Variants in RAB43 observed in about 807,000 individuals in gnomAD.
The protein encoded by RAB43 is ras-related protein Rab-43.
A neutral mutation model predicts 18.8 loss-of-function variants in RAB43; 6 were observed. That is an observed-to-expected ratio of 0.32 (90% confidence interval 0.17 to 0.63). The LOEUF (loss-of-function observed/expected upper bound fraction) is 0.63, where lower values mean the gene tolerates loss of function less well. Among genes scored for constraint, RAB43 ranks in the 30% least tolerant of loss-of-function variants. The pLI is 0.79. For synonymous variants in RAB43, 103 were observed against 124.1 expected (o/e 0.83, Z 1.13); for missense variants, 195 against 289.1 (o/e 0.67, Z 2.36).
intron 1 of RAB43, among the ~76,000 whole-genome samples, chr3:129,097,028 G>A (rs1284154222): frequency 3.9e-5 from 6 of 152,026 alleles, no homozygotes; most frequent in Admixed American, 3.3e-4. Flanking sequence ...CAGGAGAATC[G>A]CTTGAACCTG....
chr3:129,113,567 A>T (rs1935307019), intron 1 of RAB43, among the ~76,000 whole-genome samples: 1 of 152,242 alleles, frequency 6.6e-6, no homozygotes, highest in African/African-American at 2.4e-5. Flanking sequence ...TCTAACAAGT[A>T]GTGCTCACAC....
chr3:129,091,476 A>T, intron 2 of RAB43, 130 bp from the exon 3 acceptor site: 3 of 1,246,918 alleles, frequency 2.4e-6, no homozygotes, highest in Non-Finnish European at 3.3e-6. Context: ...TGGCATGGTC[A>T]TCTGTCTTTC....
intron 1 of RAB43, among the ~76,000 whole-genome samples, chr3:129,115,262 T>C (rs566014463): frequency 6.6e-6 from 1 of 151,436 alleles, no homozygotes; most frequent in African/African-American, 2.4e-5. Context: ...CCGAGGTGGG[T>C]AGATCACCTG....
At chr3:129,092,473 T>G (rs1299701601) in intron 2 of RAB43, 2 of 696,912 alleles carry the variant, frequency 2.9e-6, no homozygotes, top group South Asian at 3.0e-5. Context: ...ATTATTATAC[T>G]ATTCTAAGCC....
At chr3:129,104,025 A>G (rs1934598508) in intron 1 of RAB43, among the ~76,000 whole-genome samples, 1 of 152,238 alleles carries the variant, frequency 6.6e-6, no homozygotes, top group Non-Finnish European at 1.5e-5. Flanking sequence ...CACGGGCTGC[A>G]TCAGGCTAGT....
chr3:129,111,843 A>G (rs1438609948), intron 1 of RAB43, among the ~76,000 whole-genome samples: 1 of 152,218 alleles, frequency 6.6e-6, no homozygotes, highest in Non-Finnish European at 1.5e-5. Flanking sequence ...ATATATAAAC[A>G]TGACAGATAT....
At chr3:129,094,904 G>A (rs1933935142) in intron 2 of RAB43, 82 bp downstream of exon 2, 1 of 1,538,492 alleles carries the variant, frequency 6.5e-7, no homozygotes, top group South Asian at 1.2e-5. Flanking sequence ...TGAACTCAGG[G>A]TTACACTGTG....
intron 1 of RAB43, among the ~76,000 whole-genome samples, chr3:129,103,030 G>A (rs906220806): frequency 5.3e-5 from 8 of 152,144 alleles, no homozygotes; most frequent in African/African-American, 9.7e-5. Context: ...CATCTCACTC[G>A]TCCTTGCCAC....
intron 1 of RAB43, among the ~76,000 whole-genome samples, chr3:129,117,688 C>A (rs1452570166): frequency 2.0e-5 from 3 of 152,246 alleles, no homozygotes; most frequent in Non-Finnish European, 4.4e-5. Flanking sequence ...ATGGCCACAA[C>A]TGCATTTTTA....
chr3:129,121,031 GC>G (rs1280660505), intron 1 of RAB43, among the ~76,000 whole-genome samples: 4 of 150,360 alleles, frequency 2.7e-5, no homozygotes, highest in African/African-American at 9.9e-5. Flanking sequence ...TAGGGTGTGA[GC>G]TCCGGAGGGC....
chr3:129,092,552 G>A, intron 2 of RAB43: 2 of 695,946 alleles, frequency 2.9e-6, no homozygotes, highest in Non-Finnish European at 5.2e-6. Flanking sequence ...CTTGAGGCCA[G>A]GAGTTCAAGA....
At chr3:129,096,350 T>C (rs1190235130) in intron 1 of RAB43, among the ~76,000 whole-genome samples, 1 of 152,228 alleles carries the variant, frequency 6.6e-6, no homozygotes, top group Non-Finnish European at 1.5e-5. Flanking sequence ...ATAAGACTCC[T>C]CTTTCCTGAG....
chr3:129,112,038 C>G (rs144142638), intron 1 of RAB43, among the ~76,000 whole-genome samples: 1 of 152,048 alleles, frequency 6.6e-6, no homozygotes, highest in African/African-American at 2.4e-5. Flanking sequence ...TTCTTGAGTC[C>G]AGGAGTTCAA....
At chr3:129,100,218 A>AAAAGAAAAAAACAAGTGCGG in intron 1 of RAB43, among the ~76,000 whole-genome samples, 1 of 152,234 alleles carries the variant, frequency 6.6e-6, no homozygotes, top group Non-Finnish European at 1.5e-5. Context: ...AGAAGTGCTA[A>AAAAGAAAAAAACAAGTGCGG]AAAGAAAAAA....
At chr3:129,101,789 T>C (rs1219078623) in intron 1 of RAB43, among the ~76,000 whole-genome samples, 1 of 152,206 alleles carries the variant, frequency 6.6e-6, no homozygotes. Context: ...AGTGTGGATT[T>C]CATTTTTCTT....
rs1576857712 is a variant in RAB43 at position 129,121,575 on chromosome 3, C to A, written c.-86G>T. On this transcript the variant is annotated 5_prime_UTR_variant, in exon 1 of 3. Transcript: ENST00000315150. ...AGCCGCGGGCCGAGCTCCGCCCGCT[C>A]CAGCCCACGGGCCGCCTGGCTACGT... 1.7e-6 allele frequency: 2 copies of A among 1,189,816 alleles called. No individual in the cohort carries two copies. The highest frequency in any genetic ancestry group is 2.3e-6 in the Non-Finnish European group (2 of 873,592). The allele number at this position is 1,189,816 out of a possible 1,614,324, so 73.7% of individuals were successfully genotyped here. A position where few individuals can be genotyped will look rare whatever the true frequency, so the allele number is the denominator to read the frequency against.
Position 129,114,777 on chromosome 3 carries a change from C to T in RAB43, c.204+6509G>A, listed in dbSNP as rs191208780. On this transcript the variant is annotated intron_variant, in intron 1 of 2. Transcript: ENST00000315150. ...GCATGGAGACAAAAGGTGGTAAAGGCCTTGTGTGCCTCTACTTCCCACAAT... is the reference window on the plus strand; with the variant it reads ...GCATGGAGACAAAAGGTGGTAAAGGTCTTGTGTGCCTCTACTTCCCACAAT... Among the ~76,000 whole-genome samples the T allele has an allele frequency of 9.9e-4, 151 of 152,256 alleles. 3 individuals carry two copies. The East Asian group carries it at 0.02, about 20-fold the overall frequency.
At chr3:129,097,907 G>A (rs1416476965) in intron 1 of RAB43, among the ~76,000 whole-genome samples, 2 of 152,064 alleles carry the variant, frequency 1.3e-5, no homozygotes, top group Non-Finnish European at 2.9e-5. Context: ...ACTCTACCTG[G>A]GAGTTTCCTG....
chr3:129,113,411 G>A (rs1032081647), intron 1 of RAB43, among the ~76,000 whole-genome samples: 6 of 151,872 alleles, frequency 4.0e-5, no homozygotes, highest in Non-Finnish European at 8.8e-5. Flanking sequence ...TGATCGGCCC[G>A]CCTCGGCCTC....
Sources: gnomAD v4.1 joint callset for allele counts (sites outside exome capture counted in the v4.1 genomes callset) on GRCh38, gnomAD v4.1.1 for gene constraint, MANE v1.5 for transcripts, NCBI Gene and HGNC (gene_info 2026-07-23, HGNC 2026-07-21) for gene names.